The following MAPK8 variants were observed in gnomAD, a reference collection of about 807,000 sequenced individuals.
MAPK8 encodes JUN N-terminal kinase.
Under a neutral mutation model 52.9 loss-of-function variants are expected in MAPK8, and 13 were observed. The ratio of observed to expected loss-of-function variants is 0.25; its 90% CI spans 0.16 to 0.39. The LOEUF (loss-of-function observed/expected upper bound fraction) is 0.39. MAPK8 is among the 10% of genes least tolerant of loss of function. The pLI, the probability that MAPK8 is intolerant of heterozygous loss-of-function variation, is 1.00. For missense variants in MAPK8, 300 were observed against 519.2 expected (o/e 0.58, Z 4.10); for synonymous variants, 191 against 169.8 (o/e 1.12, Z -0.97).
chr10:48,412,857 A>G (rs544272907), intron 5 of MAPK8, among the ~76,000 whole-genome samples: 1 of 152,296 alleles, frequency 6.6e-6, no homozygotes, highest in South Asian at 2.1e-4. Flanking sequence ...AAATACATTC[A>G]TAATGTGCAA....
intron 10 of MAPK8, among the ~76,000 whole-genome samples, chr10:48,428,138 GTTAA>G (rs2043822087): frequency 6.6e-6 from 1 of 152,148 alleles, no homozygotes; most frequent in South Asian, 2.1e-4. Flanking sequence ...TACAGAATGG[GTTAA>G]TTTTTAATAT....
At position 48,324,503 on chromosome 10, in the gene MAPK8, G is replaced by GTTTTTTTTTTTTTTTTTTTTT. The variant is rs370766776; in HGVS notation, c.-50+17699_-50+17700insTTTTTTTTTTTTTTTTTTTTT. On this transcript the variant is annotated intron_variant, in intron 1 of 11. Coordinates refer to ENST00000374189, the MANE Select transcript of MAPK8 (RefSeq NM_001323329.2). ...TATACAACAGTTGTCCTGTTTTCTA[G>GTTTTTTTTTTTTTTTTTTTTT]TTTTTTTTTTTTTTTTTACACTCAT... is the stretch of plus-strand genomic sequence containing the variant. Among the ~76,000 whole-genome samples the GTTTTTTTTTTTTTTTTTTTTT allele has an allele frequency of 3.7e-4, 44 of 117,992 alleles. 3 individuals carry two copies. The highest frequency in any genetic ancestry group is 7.8e-4 in the African/African-American group (22 of 28,100). The allele number at this position is 117,992 out of a possible 152,430, so 77.4% of individuals were successfully genotyped here.
chr10:48,371,836 G>A (rs1213100536), intron 1 of MAPK8, among the ~76,000 whole-genome samples: 2 of 152,052 alleles, frequency 1.3e-5, no homozygotes, highest in Non-Finnish European at 2.9e-5. Context: ...CCTTGGGTTC[G>A]ATTAATTTTC....
chr10:48,350,060 A>G (rs1328191955), intron 1 of MAPK8, among the ~76,000 whole-genome samples: 1 of 152,210 alleles, frequency 6.6e-6, no homozygotes, highest in African/African-American at 2.4e-5. Flanking sequence ...TCCCAAGACT[A>G]AACCAGGAAA....
chr10:48,425,050 C>CA (rs1032036510), intron 7 of MAPK8: 2 of 608,148 alleles, frequency 3.3e-6, no homozygotes, highest in African/African-American at 3.8e-5. Context: ...AGAATTTCAG[C>CA]AGTAGTAGTT....
At chr10:48,413,959 C>T (rs955810873) in intron 5 of MAPK8, among the ~76,000 whole-genome samples, 1 of 150,386 alleles carries the variant, frequency 6.6e-6, no homozygotes, top group South Asian at 2.1e-4. Flanking sequence ...GTGTACCACT[C>T]AGTGTTTATT....
intron 1 of MAPK8, among the ~76,000 whole-genome samples, chr10:48,356,926 A>G (rs1847029115): frequency 6.7e-6 from 1 of 149,574 alleles, no homozygotes; most frequent in African/African-American, 2.4e-5. Flanking sequence ...AAAGTTTAAA[A>G]TGGTTGAAAG....
intron 1 of MAPK8, among the ~76,000 whole-genome samples, chr10:48,347,173 C>A (rs1216552323): frequency 6.6e-6 from 1 of 152,280 alleles, no homozygotes; most frequent in East Asian, 1.9e-4. Context: ...GAAACCTGCA[C>A]TTCCACCCCC....
chr10:48,339,876 C>T (rs1845079150), intron 1 of MAPK8, among the ~76,000 whole-genome samples: 1 of 152,150 alleles, frequency 6.6e-6, no homozygotes, highest in Admixed American at 6.5e-5. Context: ...AGTTAGATGG[C>T]TGTTATTAAA....
At chr10:48,323,960 C>T (rs1264288243) in intron 1 of MAPK8, among the ~76,000 whole-genome samples, 4 of 152,118 alleles carry the variant, frequency 2.6e-5, no homozygotes, top group Non-Finnish European at 5.9e-5. Flanking sequence ...TTTTTGGTTC[C>T]TTACAACTGA....
At chr10:48,388,038 A>G (rs148583229) in intron 1 of MAPK8, among the ~76,000 whole-genome samples, 96 of 152,320 alleles carry the variant, frequency 6.3e-4, no homozygotes, top group Non-Finnish European at 1.0e-3. Flanking sequence ...TTGGAGAGTG[A>G]CTAAGCTAGA....
At position 48,391,015 on chromosome 10, in the gene MAPK8, T is replaced by C. The variant is rs144381919; in HGVS notation, c.-49-10597T>C. On this transcript the variant is annotated intron_variant, in intron 1 of 11. Coordinates refer to ENST00000374189, the MANE Select transcript of MAPK8 (RefSeq NM_001323329.2). Reference sequence around the variant, plus strand: ...AGCTGGTTTGAATGGAAAAGGCTTATGAAGATCACATTTAAGCTAGTCTTA... The same window carrying C: ...AGCTGGTTTGAATGGAAAAGGCTTACGAAGATCACATTTAAGCTAGTCTTA... 2.4e-3 allele frequency among the ~76,000 whole-genome samples: 370 copies of C among 152,306 alleles called. 1 individual carries two copies. Among genetic ancestry groups the C allele is most frequent in the African/African-American group, 8.4e-3 (350 of 41,578 alleles).
chr10:48,411,665 C>G (rs1167949819), intron 5 of MAPK8, among the ~76,000 whole-genome samples: 1 of 152,174 alleles, frequency 6.6e-6, no homozygotes, highest in Non-Finnish European at 1.5e-5. Context: ...AATTAGAATT[C>G]TAATTAGTAT....
At chr10:48,309,027 A>G (rs1244654119) in intron 1 of MAPK8, among the ~76,000 whole-genome samples, 1 of 152,214 alleles carries the variant, frequency 6.6e-6, no homozygotes. Context: ...ATGGTTGAAA[A>G]TCTTTGAGAT....
chr10:48,426,344 A>G (rs2043683361), intron 8 of MAPK8, 36 bp from the exon 9 acceptor site: 1 of 1,528,946 alleles, frequency 6.5e-7, no homozygotes, highest in Non-Finnish European at 8.8e-7. Context: ...GAGAATCTTT[A>G]CAAATATATG....
chr10:48,357,046 G>A (rs370020277), intron 1 of MAPK8, among the ~76,000 whole-genome samples: 2 of 151,994 alleles, frequency 1.3e-5, no homozygotes, highest in Admixed American at 6.6e-5. Flanking sequence ...GGGAAAATAC[G>A]ATTGTAAATT....
intron 1 of MAPK8, among the ~76,000 whole-genome samples, chr10:48,384,081 G>A (rs561613802): frequency 5.3e-5 from 8 of 152,184 alleles, no homozygotes; most frequent in Admixed American, 2.0e-4. Context: ...ATGAGATCCC[G>A]TCTCTACTAA....
chr10:48,380,516 G>C (rs991667982), intron 1 of MAPK8, among the ~76,000 whole-genome samples: 5 of 151,230 alleles, frequency 3.3e-5, no homozygotes, highest in Admixed American at 2.0e-4. Flanking sequence ...CAGATCACCT[G>C]AGGTCAGGGG....
At chr10:48,356,955 A>C (rs1239814333) in intron 1 of MAPK8, among the ~76,000 whole-genome samples, 1 of 151,108 alleles carries the variant, frequency 6.6e-6, no homozygotes, top group Non-Finnish European at 1.5e-5. Flanking sequence ...TGGAAAAAAG[A>C]TATATCGTGC....
Sources: allele counts gnomAD v4.1 joint callset (sites outside exome capture counted in the v4.1 genomes callset), GRCh38; gene constraint gnomAD v4.1.1; transcripts MANE v1.5; gene names NCBI Gene and HGNC (gene_info 2026-07-23, HGNC 2026-07-21).